The following CACNA2D2 variants were observed in gnomAD, a reference collection of about 807,000 sequenced individuals.
The protein encoded by CACNA2D2 is calcium voltage-gated channel auxiliary subunit alpha2delta 2, also known as voltage-dependent calcium channel subunit alpha-2/delta-2.
A neutral mutation model predicts 166.4 loss-of-function variants in CACNA2D2; 48 were observed. The observed-to-expected ratio is 0.29, with a 90% CI of 0.23 to 0.37. The LOEUF (loss-of-function observed/expected upper bound fraction) is 0.37. CACNA2D2 is among the 10% of genes least tolerant of loss of function. CACNA2D2 has a pLI of 1.00. For synonymous variants in CACNA2D2, 561 were observed against 573.7 expected, an observed-to-expected ratio of 0.98 and a Z score of 0.32; for missense variants, 1,122 against 1,433.0, an observed-to-expected ratio of 0.78 and a Z score of 3.50.
Position 50,365,294 on chromosome 3 carries a change from G to C in CACNA2D2, c.3098+62C>G. The C allele has an allele frequency of 1.6e-6, 2 of 1,262,490 alleles. No individual in the cohort carries two copies. Among genetic ancestry groups the C allele is most frequent in the Admixed American group, 2.6e-5 (1 of 39,052 alleles). 78.2% of individuals were successfully genotyped at this position (1,262,490 alleles called of 1,614,324 possible). On this transcript the variant is annotated intron_variant, in intron 35 of 37. Coordinates refer to ENST00000424201, the MANE Select transcript of CACNA2D2 (RefSeq NM_006030.4). The surrounding 1 kb of genome is among the most constrained non-coding windows in gnomAD (Gnocchi z 4.5). ...GAGGCCCCGCCCCTTCCATCCTCCCGAGCGTCTCGCCCCGCTCACAGGTTC... is the reference window on the plus strand; with the variant it reads ...GAGGCCCCGCCCCTTCCATCCTCCCCAGCGTCTCGCCCCGCTCACAGGTTC...
At chr3:50,399,853 CT>C (rs1331260536) in intron 3 of CACNA2D2, among the ~76,000 whole-genome samples, 2 of 152,166 alleles carry the variant, frequency 1.3e-5, no homozygotes, top group Non-Finnish European at 2.9e-5. Flanking sequence ...AGAGTGGTCC[CT>C]TTGCCCTTCT....
chr3:50,489,195 C>G (rs145440786), intron 1 of CACNA2D2, among the ~76,000 whole-genome samples: 1 of 152,156 alleles, frequency 6.6e-6, no homozygotes, highest in African/African-American at 2.4e-5. Context: ...ATATGGGGTT[C>G]CCTTTATAAT....
At chr3:50,456,567 T>G (rs1709368179) in intron 2 of CACNA2D2, among the ~76,000 whole-genome samples, 1 of 152,144 alleles carries the variant, frequency 6.6e-6, no homozygotes, top group African/African-American at 2.4e-5. Context: ...GCCGAGGCAG[T>G]CAGAACGACC....
chr3:50,438,490 C>T (rs1708447177), intron 2 of CACNA2D2, among the ~76,000 whole-genome samples: 1 of 152,210 alleles, frequency 6.6e-6, no homozygotes, highest in African/African-American at 2.4e-5. Context: ...CCTGCTTCCC[C>T]CATGGCTCCG....
rs1280597720 is a variant in CACNA2D2 at position 50,363,698 on chromosome 3, A to G, written c.*968T>C. The G allele has an allele frequency of 6.2e-6, 1 of 160,962 alleles. No homozygotes were observed. The highest frequency in any genetic ancestry group is 2.4e-5 in the African/African-American group (1 of 41,796). 10.0% of individuals were successfully genotyped at this position (160,962 alleles called of 1,614,324 possible). On this transcript the variant is annotated 3_prime_UTR_variant, in exon 38 of 38. Transcript: ENST00000424201. Reference sequence around the variant, plus strand: ...TCTGCCGAAAGGTGCAGGCAGTGGCATGTGGTCCCACTGGGGGCCTGACAC... The same window carrying G: ...TCTGCCGAAAGGTGCAGGCAGTGGCGTGTGGTCCCACTGGGGGCCTGACAC...
chr3:50,471,070 C>T (rs553329018), intron 2 of CACNA2D2, among the ~76,000 whole-genome samples: 10 of 152,186 alleles, frequency 6.6e-5, no homozygotes, highest in South Asian at 4.1e-4. Context: ...TTCCCCACTG[C>T]CCCCCACCCT....
intron 2 of CACNA2D2, among the ~76,000 whole-genome samples, chr3:50,463,827 CCT>C (rs887477838): frequency 7.2e-5 from 11 of 152,344 alleles, no homozygotes; most frequent in Admixed American, 3.9e-4. Context: ...TGAGAGAGCC[CCT>C]GAGTCCCAGG....
chr3:50,417,507 C>G (rs1378059784), intron 3 of CACNA2D2, among the ~76,000 whole-genome samples: 1 of 152,182 alleles, frequency 6.6e-6, no homozygotes, highest in Non-Finnish European at 1.5e-5. Context: ...GTCTGCTGTG[C>G]CTACACTGCA....
At chr3:50,482,220 G>C (rs1444555415) in intron 1 of CACNA2D2, among the ~76,000 whole-genome samples, 1 of 152,152 alleles carries the variant, frequency 6.6e-6, no homozygotes, top group Non-Finnish European at 1.5e-5. Context: ...GAACAAGGCT[G>C]GTCCCTCCCC....
chr3:50,377,840 C>T, intron 15 of CACNA2D2, 37 bp from the exon 16 acceptor site: 3 of 1,572,066 alleles, frequency 1.9e-6, no homozygotes, highest in Non-Finnish European at 2.6e-6. Flanking sequence ...CACCTGTGGC[C>T]AGCACTGACC....
chr3:50,487,453 C>T (rs1015248582), intron 1 of CACNA2D2, among the ~76,000 whole-genome samples: 3 of 152,194 alleles, frequency 2.0e-5, no homozygotes, highest in African/African-American at 7.2e-5. Flanking sequence ...GGAGAATGCC[C>T]ACTTCCTCTG....
At chr3:50,431,691 AAAT>A (rs1708071475) in intron 3 of CACNA2D2, among the ~76,000 whole-genome samples, 1 of 152,180 alleles carries the variant, frequency 6.6e-6, no homozygotes. Flanking sequence ...TTCTCATAAA[AAAT>A]AATTTCTGGG....
intron 22 of CACNA2D2, among the ~76,000 whole-genome samples, chr3:50,372,454 G>A (rs587652119): frequency 4.6e-5 from 7 of 152,362 alleles, no homozygotes; most frequent in Middle Eastern, 3.4e-3. Context: ...CAGGAGGCGC[G>A]GGTCAGCCCT....
intron 13 of CACNA2D2, 141 bp downstream of exon 13, chr3:50,378,773 GA>G: frequency 2.1e-6 from 2 of 967,506 alleles, no homozygotes; most frequent in South Asian, 3.0e-5. Flanking sequence ...TAGAGTGAGG[GA>G]CAGCCTCGTG....
chr3:50,366,792 G>A lies in CACNA2D2; in HGVS notation c.2589+39C>T. 1 of 1,597,158 alleles carries A rather than the reference G, an allele frequency of 6.3e-7. No homozygotes were observed. Among genetic ancestry groups the A allele is most frequent in the Non-Finnish European group, 8.6e-7 (1 of 1,167,516 alleles). ...GGGGGTTCCAGGGGACTCCAGGAAGGGCACTGCTGGGTTACTGCCCCCGCC... is the reference window on the plus strand; with the variant it reads ...GGGGGTTCCAGGGGACTCCAGGAAGAGCACTGCTGGGTTACTGCCCCCGCC... On this transcript the variant is annotated intron_variant, in intron 29 of 37. Coordinates refer to ENST00000424201, the MANE Select transcript of CACNA2D2 (RefSeq NM_006030.4). This position sits in a 1 kb window ranked among gnomAD's most constrained non-coding sequence, Gnocchi z 5.9.
chr3:50,498,709 A>G (rs542425058), intron 1 of CACNA2D2, among the ~76,000 whole-genome samples: 3 of 152,356 alleles, frequency 2.0e-5, no homozygotes, highest in Admixed American at 2.0e-4. Context: ...AGGAGGAAAG[A>G]GAGACAGACA....
chr3:50,374,608 C>A, intron 22 of CACNA2D2, 129 bp downstream of exon 22: 1 of 994,376 alleles, frequency 1.0e-6, no homozygotes, highest in South Asian at 1.6e-5. Context: ...CTGCGGGCAC[C>A]TGAGGGTGGG....
rs769162349 is a variant in CACNA2D2 at position 50,376,173 on chromosome 3, A to G, written c.1642T>C (p.Tyr548His). The stretch of plus-strand genomic sequence containing the variant: ...CCGTTCAGGTCAATGGCAAACACAT[A>G]GCCGTTGGCTCCAAGCTGGAGGCAC... ...TPNYTLGANG[Y>H]VFAIDLNGYV... is the part of the protein sequence containing the mutation. Residue 548 changes from tyrosine (Y) to histidine (H), a missense_variant, in exon 18 of 38, where the codon TAT becomes CAT. Tyr to His is a moderately conservative substitution (Grantham distance 83, BLOSUM62 2). Transcript: ENST00000424201. The surrounding 1 kb of genome is among the most constrained non-coding windows in gnomAD (Gnocchi z 4.3). The G allele has an allele frequency of 6.2e-7, 1 of 1,613,396 alleles. No homozygotes were observed. The highest frequency in any genetic ancestry group is 1.1e-5 in the South Asian group (1 of 91,078).
At chr3:50,456,715 T>C (rs1709373620) in intron 2 of CACNA2D2, among the ~76,000 whole-genome samples, 1 of 152,174 alleles carries the variant, frequency 6.6e-6, no homozygotes, top group African/African-American at 2.4e-5. Context: ...AGTGCCTAAC[T>C]GCCTGAACTA....
Sources: gnomAD v4.1 joint callset for allele counts (sites outside exome capture counted in the v4.1 genomes callset) on GRCh38, gnomAD v4.1.1 for gene constraint, Gnocchi (gnomAD v3.1) non-coding constraint, MANE v1.5 for transcripts, NCBI Gene and HGNC (gene_info 2026-07-23, HGNC 2026-07-21) for gene names.